KRT9: variants seen among roughly 807,000 people sequenced by gnomAD.
The protein encoded by KRT9 is keratin, type I cytoskeletal 9.
KRT9 carries 34 observed loss-of-function variants against 51.4 expected under a neutral mutation model. The ratio of observed to expected loss-of-function variants is 0.66; its 90% confidence interval spans 0.50 to 0.88. The LOEUF (loss-of-function observed/expected upper bound fraction) is 0.88, where lower values mean the gene tolerates loss of function less well. Among genes scored for constraint, KRT9 ranks in the 40% least tolerant of loss-of-function variants. The probability of loss-of-function intolerance (pLI) is 0.00; values close to 1 mark genes in which losing one functional copy is unlikely to be tolerated. For missense variants in KRT9, 753 were observed against 790.3 expected (o/e 0.95, Z 0.57); for synonymous variants, 292 against 289.7 (o/e 1.01, Z -0.08).
Position 41,572,042 on chromosome 17 carries a change from G to C in KRT9, c.-50C>G, listed in dbSNP as rs768450433. The C allele has an allele frequency of 6.5e-7, 1 of 1,541,758 alleles. No homozygotes were observed. Among genetic ancestry groups the C allele is most frequent in the African/African-American group, 1.4e-5 (1 of 73,692 alleles). On this transcript the variant is annotated 5_prime_UTR_variant, in exon 1 of 8. Coordinates refer to ENST00000246662, the MANE Select transcript of KRT9 (RefSeq NM_000226.4). The stretch of plus-strand genomic sequence containing the variant: ...GAGAAGCAGTGATAGGAGTGCTACC[G>C]GCTCCCAAGTGCAGGGTACAGAGCT...
rs770531745 is a variant in KRT9 at position 41,569,896 on chromosome 17, T to A, written c.845A>T (p.Gln282Leu). The A allele has an allele frequency of 6.2e-7, 1 of 1,614,084 alleles. No homozygotes were observed. Among genetic ancestry groups the A allele is most frequent in the East Asian group, 2.2e-5 (1 of 44,898 alleles). ...CTTCTTGAGGGCCATCAGCTCCTCC[T>A]GCAGAGTCTCATACTGCATCTCCAG... Reference protein sequence around the residue: ...SDLEMQYETLQEELMALKKNH... With the variant: ...SDLEMQYETLLEELMALKKNH... Residue 282 changes from glutamine to leucine, a missense_variant, in exon 3 of 8, where the codon CAG becomes CTG. Gln to Leu is a moderately radical substitution (Grantham distance 113). This residue lies in a region of KRT9 where 507 missense variants were observed against 563.7 expected (regional missense o/e 0.90). Coordinates refer to ENST00000246662, the MANE Select transcript of KRT9 (RefSeq NM_000226.4).
At chr17:41,570,079 G>A (rs1907026766) in intron 2 of KRT9, 59 bp downstream of exon 2, 1 of 1,610,386 alleles carries the variant, frequency 6.2e-7, no homozygotes, top group Non-Finnish European at 8.5e-7. Context: ...GACCTCCAGA[G>A]CACTGAGGTT....
chr17:41,569,725 G>T, intron 3 of KRT9, 134 bp downstream of exon 3: 2 of 1,472,926 alleles, frequency 1.4e-6, no homozygotes, highest in Non-Finnish European at 1.9e-6. Flanking sequence ...CATAGGTGAT[G>T]CCAAGGAGAA....
rs1271268036 is a variant in KRT9 at position 41,570,211 on chromosome 17, G to T, written c.652C>A (p.Leu218Met). The T allele has an allele frequency of 6.2e-7, 1 of 1,613,876 alleles. No homozygotes were observed. The highest frequency in any genetic ancestry group is 1.7e-5 in the Admixed American group (1 of 60,014). Reference protein sequence around the residue: ...IDDLKDQIVDLTVGNNKTLLD... With the variant: ...IDDLKDQIVDMTVGNNKTLLD... ...AGAGTTTTGTTGTTGCCCACTGTCAGGTCCACAATCTGAAAAAAAAAGGAC... is the reference window on the plus strand; with the variant it reads ...AGAGTTTTGTTGTTGCCCACTGTCATGTCCACAATCTGAAAAAAAAAGGAC... Residue 218 changes from leucine to methionine, a missense_variant, in exon 2 of 8, where the codon CTG (leucine) becomes ATG (methionine). Coordinates refer to ENST00000246662, the MANE Select transcript of KRT9 (RefSeq NM_000226.4).
intron 5 of KRT9, 51 bp from the exon 6 acceptor site, chr17:41,568,436 T>C (rs909141401): frequency 6.2e-7 from 1 of 1,613,938 alleles, no homozygotes; most frequent in Non-Finnish European, 8.5e-7. Context: ...TAACTCCTCT[T>C]CTTCCCACTC....
rs189566887 is a variant in KRT9, at chr17:41,569,765, G to A, written c.882+94C>T. 2.6e-3 allele frequency: 3,908 copies of A among 1,527,232 alleles called. 8 individuals carry two copies. The highest frequency in any genetic ancestry group is 3.2e-3 in the Non-Finnish European group (3,532 of 1,102,560). 94.6% of individuals were successfully genotyped at this position (1,527,232 alleles called of 1,614,324 possible). A position where few individuals can be genotyped will look rare whatever the true frequency, so the allele number is the denominator to read the frequency against. On this transcript the variant is annotated intron_variant, in intron 3 of 7. Coordinates refer to ENST00000246662, the MANE Select transcript of KRT9 (RefSeq NM_000226.4). Reference sequence around the variant, plus strand: ...AAAGTGTCCTCAAGAGCAAAGGAGAGGGTGTCTCCCAGGTAATGTTCCAAA... The same window carrying A: ...AAAGTGTCCTCAAGAGCAAAGGAGAAGGTGTCTCCCAGGTAATGTTCCAAA...
Position 41,569,943 on chromosome 17 carries a change from A to G in KRT9, c.798T>C (p.Asn266=), listed in dbSNP as rs374941234. ...DINGLRQVLD[N]LTMEKSDLEM... ...CCAGGTCAGACTTCTCCATGGTCAG[A>G]TTGTCCAGCACCTGCCGCAGGCCAT... is the stretch of plus-strand genomic sequence containing the variant. The change falls in exon 3 of 8, where the codon AAT becomes AAC. Residue 266 remains asparagine (N), a synonymous_variant. Coordinates refer to ENST00000246662, the MANE Select transcript of KRT9 (RefSeq NM_000226.4). 38 of 1,613,996 alleles carry G rather than the reference A, an allele frequency of 2.4e-5. No homozygotes were observed. The Middle Eastern group carries it at 4.9e-4, about 21-fold the overall frequency.
At position 41,568,281 on chromosome 17, in the gene KRT9, G is replaced by A. The variant is rs781603266; in HGVS notation, c.1275C>T (p.Asp425=). ...QISNLEAQIT[D]VRQEIECQNQ... Reference sequence around the variant, plus strand: ...TCTGGCACTCGATCTCTTGCCGGACGTCAGTGATCTGGGCCTCCAAGTTAC... The same window carrying A: ...TCTGGCACTCGATCTCTTGCCGGACATCAGTGATCTGGGCCTCCAAGTTAC... Residue 425 remains aspartate, a synonymous_variant, in exon 6 of 8, where the codon GAC becomes GAT. Transcript: ENST00000246662. 8.1e-6 allele frequency: 13 copies of A among 1,614,036 alleles called. No homozygotes were observed. The highest frequency in any genetic ancestry group is 4.0e-5 in the African/African-American group (3 of 74,908).
At chr17:41,570,301 G>T (rs757100479) in intron 1 of KRT9, 81 bp from the exon 2 acceptor site, 26 of 1,163,072 alleles carry the variant, frequency 2.2e-5, no homozygotes, top group Non-Finnish European at 3.1e-5. Flanking sequence ...AGCCACAGGA[G>T]GTGAGGATTC....
chr17:41,568,111 A>G (rs1460123776), intron 6 of KRT9, 51 bp downstream of exon 6: 1 of 1,477,242 alleles, frequency 6.8e-7, no homozygotes, highest in South Asian at 1.1e-5. Context: ...CAGAAGTAGT[A>G]TCAGAGGCCT....
At chr17:41,569,261 T>C (rs1257969746) in intron 4 of KRT9, among the ~76,000 whole-genome samples, 165 bp downstream of exon 4, 1 of 152,196 alleles carries the variant, frequency 6.6e-6, no homozygotes, top group Non-Finnish European at 1.5e-5. Context: ...ATGATGTTTG[T>C]ATGCAGTGAA....
intron 7 of KRT9, among the ~76,000 whole-genome samples, chr17:41,567,002 C>T (rs1227581365): frequency 2.0e-5 from 3 of 152,174 alleles, no homozygotes; most frequent in African/African-American, 7.2e-5. Context: ...AACCCATCTC[C>T]TACACTACTG....
intron 6 of KRT9, 108 bp from the exon 7 acceptor site, chr17:41,567,858 T>A: frequency 6.4e-7 from 1 of 1,569,522 alleles, no homozygotes; most frequent in Non-Finnish European, 8.6e-7. Context: ...TCTGTTTTCC[T>A]TCCTGGGAGG....
In KRT9 at chr17:41,571,393, GTTC is replaced by G. The variant is rs1360509652; in HGVS notation, c.597_599del (p.Lys199del). 4.3e-6 allele frequency: 7 copies of G among 1,614,072 alleles called. No homozygotes were observed. The highest frequency in any genetic ancestry group is 1.6e-4 in the Middle Eastern group (1 of 6,062). On this transcript the variant is annotated inframe_deletion, in exon 1 of 8. Transcript: ENST00000246662. ...CAATAGTGTTATAATAAGGGGAGTAGTTCTTCTGGATAGCAGCAGGTCCCTTCT... is the reference window on the plus strand; with the variant it reads ...CAATAGTGTTATAATAAGGGGAGTAGTTCTGGATAGCAGCAGGTCCCTTCT...
At chr17:41,570,734 G>A (rs2144571432) in intron 1 of KRT9, among the ~76,000 whole-genome samples, 1 of 152,292 alleles carries the variant, frequency 6.6e-6, no homozygotes. Flanking sequence ...TGAGAATACT[G>A]AAGAGCCAGA....
intron 7 of KRT9, 75 bp downstream of exon 7, chr17:41,567,158 A>C: frequency 1.3e-6 from 2 of 1,568,598 alleles, no homozygotes; most frequent in Non-Finnish European, 1.7e-6. Context: ...TGTTCCCCAG[A>C]GATTCAAAAA....
Position 41,571,756 on chromosome 17 carries a change from A to AC in KRT9, c.236dup (p.Gly80TrpfsTer3). 6.2e-7 allele frequency: 1 copy of AC among 1,608,494 alleles called. No individual in the cohort carries two copies. The highest frequency in any genetic ancestry group is 8.5e-7 in the Non-Finnish European group (1 of 1,178,142). On this transcript the variant is annotated frameshift_variant, in exon 1 of 8. Transcript: ENST00000246662. LOFTEE classifies it high-confidence loss of function. ...CGCCTAAACTACTGGCACTAAAACC[A>AC]CCCCCAGATCCTCCGCCGTAGCTGT...
At chr17:41,566,441 T>C (rs1906879449) in intron 7 of KRT9, among the ~76,000 whole-genome samples, 1 of 152,146 alleles carries the variant, frequency 6.6e-6, no homozygotes, top group African/African-American at 2.4e-5. Flanking sequence ...ATTTTTTGTA[T>C]ATTGAGGCAA....
intron 4 of KRT9, among the ~76,000 whole-genome samples, 186 bp from the exon 5 acceptor site, chr17:41,568,819 C>A (rs1012914304): frequency 6.6e-6 from 1 of 151,874 alleles, no homozygotes; most frequent in Non-Finnish European, 1.5e-5. Flanking sequence ...CATGACATTC[C>A]CTCTCAACAA....
Sources: allele counts gnomAD v4.1 joint callset (sites outside exome capture counted in the v4.1 genomes callset), GRCh38; gene constraint gnomAD v4.1.1; regional missense constraint gnomAD v4.1.1; transcripts MANE v1.5; gene names NCBI Gene and HGNC (gene_info 2026-07-23, HGNC 2026-07-21).